The following ENAH variants were observed in gnomAD, a reference collection of about 807,000 sequenced individuals.
ENAH encodes ENAH actin regulator, also known as protein enabled homolog.
Under a neutral mutation model 78.7 loss-of-function variants are expected in ENAH, and 23 were observed. The ratio of observed to expected loss-of-function variants is 0.29; its 90% CI spans 0.21 to 0.41. The LOEUF (loss-of-function observed/expected upper bound fraction) is 0.41. Among genes scored for constraint, ENAH ranks in the 10% least tolerant of loss-of-function variants. The probability of loss-of-function intolerance (pLI) is 1.00; values close to 1 mark genes in which losing one functional copy is unlikely to be tolerated. For missense variants in ENAH, 544 were observed against 691.0 expected, an observed-to-expected ratio of 0.79 and a Z score of 2.39; for synonymous variants, 226 against 241.0, an observed-to-expected ratio of 0.94 and a Z score of 0.58.
chr1:225,501,352 T>A (rs1473108332), intron 11 of ENAH: 1 of 316,486 alleles, frequency 3.2e-6, no homozygotes, highest in Non-Finnish European at 5.7e-6. Flanking sequence ...GGGCATGAGG[T>A]AACCAGGTAA....
chr1:225,619,939 T>C (rs1656497601), intron 1 of ENAH, among the ~76,000 whole-genome samples: 1 of 152,328 alleles, frequency 6.6e-6, no homozygotes, highest in South Asian at 2.1e-4. Flanking sequence ...GATTGAACCA[T>C]GTGAAACTGC....
chr1:225,604,621 CAAAA>C (rs762454618), intron 1 of ENAH, among the ~76,000 whole-genome samples: 3 of 88,960 alleles, frequency 3.4e-5, no homozygotes, highest in African/African-American at 3.8e-5. Context: ...CCGTCTCTAC[CAAAA>C]AAAAAAAAAA....
At position 225,567,361 on chromosome 1, in the gene ENAH, T is replaced by C. The variant is rs149009967; in HGVS notation, c.59A>G (p.Asn20Ser). The change falls in exon 2 of 14, where the codon AAT becomes AGT. Residue 20 changes from asparagine to serine, a missense_variant. By Grantham distance (46) the Asn-to-Ser change is conservative (BLOSUM62 1). Transcript: ENST00000366843. ...RAAVMVYDDA[N>S]KKWVPAGGST... ...GCCACCAGCTGGCACCCACTTCTTA[T>C]TGGCATCATCATAAACCATCACAGC... 1.1e-4 allele frequency: 181 copies of C among 1,614,030 alleles called. No homozygotes were observed. Among genetic ancestry groups the C allele is most frequent in the South Asian group, 6.1e-4 (56 of 91,062 alleles).
chr1:225,528,722 A>C (rs1326948912), intron 4 of ENAH, among the ~76,000 whole-genome samples: 2 of 152,088 alleles, frequency 1.3e-5, no homozygotes, highest in Admixed American at 1.3e-4. Flanking sequence ...TATGTTTAGA[A>C]TTCTTCCTTA....
intron 1 of ENAH, among the ~76,000 whole-genome samples, chr1:225,643,408 A>T (rs1558955378): frequency 6.6e-6 from 1 of 152,192 alleles, no homozygotes; most frequent in African/African-American, 2.4e-5. Context: ...AAAAAAAAAA[A>T]CAAAACACAG....
rs2096211433 is a variant in ENAH at position 225,489,077 on chromosome 1, G to A, written c.*8698C>T. ...GCAGCACAGCAGGTTCAGATGATAT[G>A]AAAACCACTGAATTCTGCCCAGGAA... On this transcript the variant is annotated 3_prime_UTR_variant, in exon 14 of 14. Coordinates refer to ENST00000366843, the MANE Select transcript of ENAH (RefSeq NM_018212.6). The A allele has an allele frequency of 6.6e-6, 1 of 152,230 alleles. No homozygotes were observed. Among genetic ancestry groups the A allele is most frequent in the Non-Finnish European group, 1.5e-5 (1 of 68,046 alleles). 9.4% of individuals were successfully genotyped at this position (152,230 alleles called of 1,614,324 possible). A position where few individuals can be genotyped will look rare whatever the true frequency, so the allele number is the denominator to read the frequency against.
chr1:225,557,120 T>C (rs2096671236), intron 2 of ENAH, among the ~76,000 whole-genome samples: 1 of 152,196 alleles, frequency 6.6e-6, no homozygotes, highest in African/African-American at 2.4e-5. Flanking sequence ...CTCAGTCCTT[T>C]GTGTGCAGCT....
At chr1:225,515,689 G>A (rs2096411891) in intron 6 of ENAH, among the ~76,000 whole-genome samples, 1 of 152,188 alleles carries the variant, frequency 6.6e-6, no homozygotes, top group Non-Finnish European at 1.5e-5. Flanking sequence ...AGGTTTAAGA[G>A]GGGTGTTTTC....
In ENAH at chr1:225,493,128, C is replaced by T. The variant is rs2096230973; in HGVS notation, c.*4647G>A. ...TTTTAATTTGAAGGTTTCATCTTTC[C>T]AGTATTGATATTTTAAAAAATCTTG... On this transcript the variant is annotated 3_prime_UTR_variant, in exon 14 of 14. Coordinates refer to ENST00000366843, the MANE Select transcript of ENAH (RefSeq NM_018212.6). 6.6e-6 allele frequency: 1 copy of T among 151,840 alleles called. No individual in the cohort carries two copies. Among genetic ancestry groups the T allele is most frequent in the Admixed American group, 6.6e-5 (1 of 15,226 alleles). The allele number at this position is 151,840 out of a possible 1,614,324, so 9.4% of individuals were successfully genotyped here.
rs772850527 is a variant in ENAH at position 225,498,511 on chromosome 1, T to C, written c.1618-107A>G. On this transcript the variant is annotated intron_variant, in intron 12 of 13. Transcript: ENST00000366843. The stretch of plus-strand genomic sequence containing the variant: ...TCATGAAATATGATGTGTAGTTTTT[T>C]TTGTTTCCAGAGCCACAATTCTATT... The C allele has an allele frequency of 5.3e-4, 372 of 696,706 alleles. 1 individual carries two copies. Among genetic ancestry groups the C allele is most frequent in the Non-Finnish European group, 8.6e-5 (37 of 432,096 alleles). 43.2% of individuals were successfully genotyped at this position (696,706 alleles called of 1,614,324 possible).
intron 2 of ENAH, among the ~76,000 whole-genome samples, chr1:225,561,405 T>C (rs1315877920): frequency 6.6e-6 from 1 of 151,146 alleles, no homozygotes; most frequent in Non-Finnish European, 1.5e-5. Flanking sequence ...AAGCAGATCA[T>C]GAGGTCAGGA....
At chr1:225,577,190 AT>A (rs1460643516) in intron 1 of ENAH, among the ~76,000 whole-genome samples, 3 of 152,240 alleles carry the variant, frequency 2.0e-5, no homozygotes, top group Non-Finnish European at 4.4e-5. Flanking sequence ...ATTTAAAGTT[AT>A]ATGTCATTTT....
At chr1:225,520,147 T>C (rs971745837) in intron 4 of ENAH, among the ~76,000 whole-genome samples, 1 of 151,950 alleles carries the variant, frequency 6.6e-6, no homozygotes, top group Non-Finnish European at 1.5e-5. Flanking sequence ...TATAAAAAAT[T>C]AGCCGGGCAT....
intron 1 of ENAH, among the ~76,000 whole-genome samples, chr1:225,643,555 CTTTAAGA>C (rs1203371282): frequency 6.6e-6 from 1 of 152,194 alleles, no homozygotes; most frequent in South Asian, 2.1e-4. Context: ...AAAAGTCCAT[CTTTAAGA>C]TTTAAGTAGA....
Position 225,492,688 on chromosome 1 carries a change from T to C in ENAH, c.*5087A>G, listed in dbSNP as rs1382233702. Reference sequence around the variant, plus strand: ...GCCTACTATGTGCTTTAAATGATACTAACACTTCCGTTTAGAAGGTTGTGT... The same window carrying C: ...GCCTACTATGTGCTTTAAATGATACCAACACTTCCGTTTAGAAGGTTGTGT... On this transcript the variant is annotated 3_prime_UTR_variant, in exon 14 of 14. Coordinates refer to ENST00000366843, the MANE Select transcript of ENAH (RefSeq NM_018212.6). 1 of 152,196 alleles carries C rather than the reference T, an allele frequency of 6.6e-6. No individual in the cohort carries two copies. The highest frequency in any genetic ancestry group is 2.4e-5 in the African/African-American group (1 of 41,458). 9.4% of individuals were successfully genotyped at this position (152,196 alleles called of 1,614,324 possible).
chr1:225,563,937 A>G (rs2096721535), intron 2 of ENAH, among the ~76,000 whole-genome samples: 1 of 152,184 alleles, frequency 6.6e-6, no homozygotes, highest in Admixed American at 6.5e-5. Flanking sequence ...TTGTAGGTCT[A>G]TCACGTTTTC....
At chr1:225,634,891 A>C (rs1458251796) in intron 1 of ENAH, among the ~76,000 whole-genome samples, 1 of 152,168 alleles carries the variant, frequency 6.6e-6, no homozygotes, top group Non-Finnish European at 1.5e-5. Flanking sequence ...TCTCAAGATT[A>C]TTTTGGCTAT....
intron 11 of ENAH, among the ~76,000 whole-genome samples, chr1:225,504,567 T>A (rs922897843): frequency 6.6e-6 from 1 of 152,228 alleles, no homozygotes; most frequent in African/African-American, 2.4e-5. Context: ...CTGTCCAAGA[T>A]AATTTACTAC....
intron 1 of ENAH, among the ~76,000 whole-genome samples, chr1:225,594,464 T>C (rs1464426547): frequency 6.6e-6 from 1 of 152,182 alleles, no homozygotes; most frequent in Non-Finnish European, 1.5e-5. Context: ...CACATCCAAG[T>C]AGTCTACTCA....
Sources: gnomAD v4.1 joint callset for allele counts (sites outside exome capture counted in the v4.1 genomes callset) on GRCh38, gnomAD v4.1.1 for gene constraint, MANE v1.5 for transcripts, NCBI Gene and HGNC (gene_info 2026-07-23, HGNC 2026-07-21) for gene names.